The following PLXNB2 variants were observed in gnomAD, a reference collection of about 807,000 sequenced individuals.
PLXNB2 encodes plexin B2.
A neutral mutation model predicts 202.6 loss-of-function variants in PLXNB2; 85 were observed. That is an observed-to-expected ratio of 0.42 (90% CI 0.35 to 0.50). The LOEUF is 0.50. Among genes scored for constraint, PLXNB2 ranks in the 20% least tolerant of loss-of-function variants. PLXNB2 has a pLI of 0.02. For synonymous variants in PLXNB2, 1,239 were observed against 1,137.6 expected (o/e 1.09, Z -1.79); for missense variants, 2,063 against 2,586.2 (o/e 0.80, Z 4.39).
At chr22:50,280,714 G>GGCCACCC in intron 24 of PLXNB2, 30 bp downstream of exon 24, 10 of 1,528,906 alleles carry the variant, frequency 6.5e-6, no homozygotes, top group African/African-American at 1.4e-5. Flanking sequence ...CCACCTGTGT[G>GGCCACCC]CCCTCCCGCC....
rs566503035 is a variant in PLXNB2 at position 50,275,583 on chromosome 22, G to A, written c.*121C>T. The A allele has an allele frequency of 1.6e-5, 11 of 700,832 alleles. No individual in the cohort carries two copies. Among genetic ancestry groups the A allele is most frequent in the Middle Eastern group, 3.2e-4 (1 of 3,170 alleles). 43.4% of individuals were successfully genotyped at this position (700,832 alleles called of 1,614,324 possible). ...GGCGGGTTCCGGCTGCACCCACTCC[G>A]GCTTGGGGCGCGTTCCAGGGGAGGG... is the stretch of plus-strand genomic sequence containing the variant. On this transcript the variant is annotated 3_prime_UTR_variant, in exon 37 of 37. Transcript: ENST00000359337.
In PLXNB2 at chr22:50,279,785, A is replaced by G; in HGVS notation, c.4243-9T>C. 6.2e-7 allele frequency: 1 copy of G among 1,613,566 alleles called. No individual in the cohort carries two copies. The highest frequency in any genetic ancestry group is 8.5e-7 in the Non-Finnish European group (1 of 1,179,862). On this transcript the variant is annotated splice_polypyrimidine_tract_variant and intron_variant, in intron 26 of 36. Transcript: ENST00000359337. Reference sequence around the variant, plus strand: ...GGCTCCCCGGCACTGTCCTGGAGTAACACGGAGGGGAGGCTGGGAGGTCAG... The same window carrying G: ...GGCTCCCCGGCACTGTCCTGGAGTAGCACGGAGGGGAGGCTGGGAGGTCAG...
At position 50,282,693 on chromosome 22, in the gene PLXNB2, G is replaced by GGCAGGGCACTGAGGAGGCAGCTGGTGT; in HGVS notation, c.2987+17_2987+18insACACCAGCTGCCTCCTCAGTGCCCTGC. On this transcript the variant is annotated intron_variant, in intron 18 of 36. Coordinates refer to ENST00000359337, the MANE Select transcript of PLXNB2 (RefSeq NM_012401.4). ...TGGGTGTGGGGAGCAGAGGGGGGCG[G>GGCAGGGCACTGAGGAGGCAGCTGGTGT]GGGGACACCAGCCTCACCTGGCAAA... is the stretch of plus-strand genomic sequence containing the variant. 1 of 1,574,718 alleles carries GGCAGGGCACTGAGGAGGCAGCTGGTGT rather than the reference G, an allele frequency of 6.4e-7. No homozygotes were observed. Among genetic ancestry groups the GGCAGGGCACTGAGGAGGCAGCTGGTGT allele is most frequent in the Non-Finnish European group, 8.7e-7 (1 of 1,154,232 alleles).
rs145361155 is a variant in PLXNB2 at position 50,293,179 on chromosome 22, G to T, written c.-14+1540C>A. On this transcript the variant is annotated intron_variant, in intron 2 of 36. Transcript: ENST00000359337. Reference sequence around the variant, plus strand: ...CACGGGAACCTCTGGGCATGATCCTGGTGGAGGGGGTTCTATGCCCAGCTC... The same window carrying T: ...CACGGGAACCTCTGGGCATGATCCTTGTGGAGGGGGTTCTATGCCCAGCTC... 2.6e-3 allele frequency among the ~76,000 whole-genome samples: 402 copies of T among 152,334 alleles called. 4 individuals are homozygous for T. The highest frequency in any genetic ancestry group is 0.016 in the East Asian group (81 of 5,188).
intron 1 of PLXNB2, among the ~76,000 whole-genome samples, chr22:50,295,879 G>A (rs375990301): frequency 1.4e-4 from 22 of 152,182 alleles, no homozygotes; most frequent in Non-Finnish European, 2.9e-4. Context: ...TGAAGTGGGC[G>A]GATCACGAGG....
rs1283313984 is a variant in PLXNB2, at chr22:50,291,492, T to G, written c.-13-895A>C. Among the ~76,000 whole-genome samples the G allele has an allele frequency of 6.6e-6, 1 of 151,962 alleles. No individual in the cohort carries two copies. The highest frequency in any genetic ancestry group is 6.6e-5 in the Admixed American group (1 of 15,262). The stretch of plus-strand genomic sequence containing the variant: ...GGGATGTGTGGTGTGATGGGTGAGC[T>G]GCTGAGGACCAGGCTGAGCTGAGGG... On this transcript the variant is annotated intron_variant, in intron 2 of 36. Transcript: ENST00000359337. This position sits in a 1 kb window ranked among gnomAD's most constrained non-coding sequence, Gnocchi z 4.3.
chr22:50,290,181 T>A lies in PLXNB2; in HGVS notation c.404A>T (p.Glu135Val). 6.2e-7 allele frequency: 1 copy of A among 1,612,760 alleles called. No homozygotes were observed. Among genetic ancestry groups the A allele is most frequent in the Non-Finnish European group, 8.5e-7 (1 of 1,180,000 alleles). ...LSNISLRLFY[E>V]DGSGEKSFVA... ...GAAAGACTTCTCCCCGCTGCCGTCCTCGTAGAACAGGCGGAGGGAGATGTT... is the reference window on the plus strand; with the variant it reads ...GAAAGACTTCTCCCCGCTGCCGTCCACGTAGAACAGGCGGAGGGAGATGTT... The change falls in exon 3 of 37, where the codon GAG becomes GTG. Residue 135 changes from glutamate (E) to valine (V), a missense_variant. Around this residue, in one of 2 missense-constraint regions of PLXNB2, gnomAD observed 1,303 missense variants for 1,476.8 expected, o/e 0.88. Transcript: ENST00000359337.
rs199926321 is a variant in PLXNB2 at position 50,283,620 on chromosome 22, C to A, written c.2552G>T (p.Arg851Leu). The A allele has an allele frequency of 1.2e-6, 2 of 1,612,362 alleles. No homozygotes were observed. Among genetic ancestry groups the A allele is most frequent in the African/African-American group, 2.7e-5 (2 of 74,826 alleles). Residue 851 changes from arginine to leucine, a missense_variant, in exon 15 of 37, where the codon CGT becomes CTT. Physicochemically the swap from Arg to Leu is moderately radical, Grantham distance 102. Transcript: ENST00000359337. ...AGRNCSFQPE[R>L]YSVSTRIVCV... ...CACTCACCGGGTGGACACGGAGTAA[C>A]GTTCCGGCTGAAAGGAGCAGTTCCG...
intron 1 of PLXNB2, among the ~76,000 whole-genome samples, chr22:50,296,193 T>TACACACAC (rs58616888): frequency 0.15 from 21,118 of 139,178 alleles, 1,826 homozygotes; most frequent in Middle Eastern, 0.24. Flanking sequence ...TCTCAAAAAA[T>TACACACAC]ACACACACAC....
chr22:50,294,820 G>A, intron 1 of PLXNB2, 42 bp from the exon 2 acceptor site: 1 of 940,432 alleles, frequency 1.1e-6, no homozygotes, highest in Non-Finnish European at 1.3e-6. Flanking sequence ...GAGGAGCCCG[G>A]TCTGCTGTGG....
At position 50,275,690 on chromosome 22, in the gene PLXNB2, C is replaced by A. The variant is rs1320323963; in HGVS notation, c.*14G>T. 1.9e-6 allele frequency: 3 copies of A among 1,555,254 alleles called. No individual in the cohort carries two copies. The highest frequency in any genetic ancestry group is 1.8e-6 in the Non-Finnish European group (2 of 1,138,312). On this transcript the variant is annotated 3_prime_UTR_variant, in exon 37 of 37. Coordinates refer to ENST00000359337, the MANE Select transcript of PLXNB2 (RefSeq NM_012401.4). Reference sequence around the variant, plus strand: ...CAGGTACCTATGTCCCAAGGCAGCACTGGAGATTGTAGGTCAGAGGTCAGT... The same window carrying A: ...CAGGTACCTATGTCCCAAGGCAGCAATGGAGATTGTAGGTCAGAGGTCAGT...
At chr22:50,305,565 C>T (rs1298338309) in intron 1 of PLXNB2, among the ~76,000 whole-genome samples, 4 of 152,192 alleles carry the variant, frequency 2.6e-5, no homozygotes, top group Non-Finnish European at 5.9e-5. Context: ...GACTGGCTGT[C>T]GGAGGGGCTT....
chr22:50,278,689 A>T lies in PLXNB2; in HGVS notation c.4554T>A (p.Arg1518=). The change falls in exon 29 of 37, where the codon CGT becomes CGA. Residue 1518 remains arginine, a synonymous_variant. Coordinates refer to ENST00000359337, the MANE Select transcript of PLXNB2 (RefSeq NM_012401.4). ...ACAGGATCTGCGCTGTGGAGCCCGG[A>T]CGCCACTCTGTGGGAAGAGACAGCC... ...PRPDSVVLEW[R]PGSTAQILSD... is the part of the protein sequence containing the mutation. 2 of 1,610,844 alleles carry T rather than the reference A, an allele frequency of 1.2e-6. No individual in the cohort carries two copies. Among genetic ancestry groups the T allele is most frequent in the Non-Finnish European group, 1.7e-6 (2 of 1,179,232 alleles).
At position 50,287,235 on chromosome 22, in the gene PLXNB2, G is replaced by T; in HGVS notation, c.1638C>A (p.Ala546=). The change falls in exon 8 of 37, where the codon GCC becomes GCA. Residue 546 remains alanine, a synonymous_variant. Coordinates refer to ENST00000359337, the MANE Select transcript of PLXNB2 (RefSeq NM_012401.4). ...ACAGCAACTCGTCCTCCTCGCTCAG[G>T]GCAGGGAGGGGGCTGACGGTCAGCT... ...EVQLTVSPLP[A]LSEEDELLCL... The T allele has an allele frequency of 6.5e-7, 1 of 1,541,866 alleles. No homozygotes were observed. Among genetic ancestry groups the T allele is most frequent in the East Asian group, 2.4e-5 (1 of 40,996 alleles).
chr22:50,290,728 G>A (rs1360805348), intron 2 of PLXNB2, 131 bp from the exon 3 acceptor site: 1 of 981,228 alleles, frequency 1.0e-6, no homozygotes, highest in Non-Finnish European at 1.5e-6. Context: ...GAGGAACCTG[G>A]AGCTCCGCCC....
rs760533249 is a variant in PLXNB2 at position 50,287,925 on chromosome 22, C to T, written c.1481+12G>A. The stretch of plus-strand genomic sequence containing the variant: ...AGGCAGGCCGTGTCCCCGAGCCACC[C>T]CAGGCACTCACCGTCCCTCGACGAC... On this transcript the variant is annotated intron_variant, in intron 6 of 36. Coordinates refer to ENST00000359337, the MANE Select transcript of PLXNB2 (RefSeq NM_012401.4). The T allele has an allele frequency of 1.3e-6, 2 of 1,585,440 alleles. No homozygotes were observed. Among genetic ancestry groups the T allele is most frequent in the African/African-American group, 2.7e-5 (2 of 74,332 alleles).
intron 1 of PLXNB2, among the ~76,000 whole-genome samples, chr22:50,302,158 G>A (rs1015265235): frequency 1.3e-5 from 2 of 152,298 alleles, no homozygotes; most frequent in South Asian, 2.1e-4. Context: ...GAGGGGCTGC[G>A]TCTGCCCAGG....
chr22:50,277,830 G>T (rs202100308), intron 32 of PLXNB2, 23 bp downstream of exon 32: 3 of 1,608,088 alleles, frequency 1.9e-6, no homozygotes, highest in South Asian at 1.1e-5. Context: ...GGGCTGGGCC[G>T]CGGGGTGGGT....
intron 15 of PLXNB2, 36 bp from the exon 16 acceptor site, chr22:50,283,481 C>G: frequency 6.3e-7 from 1 of 1,594,178 alleles, no homozygotes; most frequent in Admixed American, 1.7e-5. Flanking sequence ...CAGGCACTCC[C>G]CGACCCACCC....
Sources: allele counts gnomAD v4.1 joint callset (sites outside exome capture counted in the v4.1 genomes callset), GRCh38; gene constraint gnomAD v4.1.1; regional missense constraint gnomAD v4.1.1; non-coding constraint Gnocchi (gnomAD v3.1); transcripts MANE v1.5; gene names NCBI Gene and HGNC (gene_info 2026-07-23, HGNC 2026-07-21).